The following ZYG11B variants were observed in gnomAD, a reference collection of about 807,000 sequenced individuals.
The protein encoded by ZYG11B is protein zyg-11 homolog B.
Under a neutral mutation model 82.4 loss-of-function variants are expected in ZYG11B, and 36 were observed. The ratio of observed to expected loss-of-function variants is 0.44; its 90% CI spans 0.33 to 0.58. The LOEUF (loss-of-function observed/expected upper bound fraction) is 0.58, where lower values mean the gene tolerates loss of function less well. Among genes scored for constraint, ZYG11B ranks in the 20% least tolerant of loss-of-function variants. The pLI is 0.02. For missense variants in ZYG11B, 552 were observed against 895.6 expected, an observed-to-expected ratio of 0.62 and a Z score of 4.90; for synonymous variants, 303 against 312.8, an observed-to-expected ratio of 0.97 and a Z score of 0.33.
At chr1:52,767,528 C>T (rs1644708310) in intron 2 of ZYG11B, among the ~76,000 whole-genome samples, 1 of 151,864 alleles carries the variant, frequency 6.6e-6, no homozygotes, top group Non-Finnish European at 1.5e-5. Flanking sequence ...TGGTCTCGAT[C>T]TCCTGACCTT....
chr1:52,768,594 C>T (rs1644719210), intron 2 of ZYG11B, among the ~76,000 whole-genome samples: 1 of 121,520 alleles, frequency 8.2e-6, no homozygotes, highest in Non-Finnish European at 1.7e-5. Context: ...AACCTTCTTC[C>T]TCTTTTTTTT....
intron 3 of ZYG11B, among the ~76,000 whole-genome samples, chr1:52,776,229 A>AAAAAAAAAAAAATATATATAT: frequency 2.5e-4 from 6 of 23,540 alleles, no homozygotes; most frequent in African/African-American, 4.7e-4. Flanking sequence ...TAAAAAAAAA[A>AAAAAAAAAAAAATATATATAT]ATATATATAT....
chr1:52,734,564 C>T (rs1426715175), intron 1 of ZYG11B, among the ~76,000 whole-genome samples: 1 of 150,894 alleles, frequency 6.6e-6, no homozygotes, highest in African/African-American at 2.4e-5. Flanking sequence ...GCAGGAGAAC[C>T]ACTTGAACCT....
chr1:52,749,767 T>A (rs1644506247), intron 1 of ZYG11B, among the ~76,000 whole-genome samples: 1 of 152,078 alleles, frequency 6.6e-6, no homozygotes, highest in Admixed American at 6.6e-5. Context: ...TGGCCAGGCT[T>A]GTCTTGAACT....
intron 1 of ZYG11B, 32 bp downstream of exon 1, chr1:52,726,715 C>T (rs1046253603): frequency 1.1e-4 from 167 of 1,461,934 alleles, no homozygotes; most frequent in Non-Finnish European, 1.4e-4. Flanking sequence ...TAGCCGCAGC[C>T]GCCCGCCACC....
chr1:52,726,528 A>G lies in ZYG11B; in HGVS notation c.-126A>G. ...TACTGCTACGCTCCTAGCTTGAGGG[A>G]AAGAGGCCGAGGCCTGGGCCAAGCC... is the stretch of plus-strand genomic sequence containing the variant. On this transcript the variant is annotated 5_prime_UTR_variant, in exon 1 of 14. Transcript: ENST00000294353. 2.2e-6 allele frequency: 2 copies of G among 900,492 alleles called. No individual in the cohort carries two copies. The highest frequency in any genetic ancestry group is 3.0e-6 in the Non-Finnish European group (2 of 668,834). 55.8% of individuals were successfully genotyped at this position (900,492 alleles called of 1,614,324 possible). A position where few individuals can be genotyped will look rare whatever the true frequency, so the allele number is the denominator to read the frequency against.
Position 52,783,805 on chromosome 1 carries a change from T to TATATACACAC in ZYG11B, c.1093-1071_1093-1070insTATACACACA, listed in dbSNP as rs74185908. Among the ~76,000 whole-genome samples, 9 of 135,000 alleles carry TATATACACAC rather than the reference T, an allele frequency of 6.7e-5. 1 individual carries two copies. Among genetic ancestry groups the TATATACACAC allele is most frequent in the African/African-American group, 2.6e-4 (9 of 35,140 alleles). The allele number at this position is 135,000 out of a possible 152,430, so 88.6% of individuals were successfully genotyped here. On this transcript the variant is annotated intron_variant, in intron 4 of 13. Transcript: ENST00000294353. ...GCCCAGCTTTATATATATATATATATACACACACACGTATATGTATACATA... is the reference window on the plus strand; with the variant it reads ...GCCCAGCTTTATATATATATATATATATATACACACACACACACACGTATATGTATACATA...
At chr1:52,793,468 G>A (rs1571783300) in intron 6 of ZYG11B, among the ~76,000 whole-genome samples, 1 of 152,148 alleles carries the variant, frequency 6.6e-6, no homozygotes, top group East Asian at 1.9e-4. Flanking sequence ...CCCAGCTTGG[G>A]CAACAAGAGT....
intron 8 of ZYG11B, among the ~76,000 whole-genome samples, chr1:52,797,162 A>ATTGTATATTATATAT (rs1645024544): frequency 4.1e-5 from 3 of 73,816 alleles, no homozygotes; most frequent in African/African-American, 2.4e-4. Context: ...ATATTTATAT[A>ATTGTATATTATATAT]TTATATATTA....
At chr1:52,802,397 G>C (rs948643654) in intron 10 of ZYG11B, among the ~76,000 whole-genome samples, 5 of 142,158 alleles carry the variant, frequency 3.5e-5, no homozygotes, top group Non-Finnish European at 6.0e-5. Flanking sequence ...GCCCAGGCTG[G>C]AGTGCAGTGG....
In ZYG11B at chr1:52,743,771, A is replaced by G. The variant is rs116979339; in HGVS notation, c.31-12687A>G. ...AGTGTAGCTTAAGTATTTATAGTCT[A>G]CAATAGTGTGCAGTAATGTCCTAGG... On this transcript the variant is annotated intron_variant, in intron 1 of 13. Coordinates refer to ENST00000294353, the MANE Select transcript of ZYG11B (RefSeq NM_024646.3). 3.9e-5 allele frequency among the ~76,000 whole-genome samples: 6 copies of G among 152,272 alleles called. No homozygotes were observed. The East Asian group carries it at 1.2e-3, about 29-fold the overall frequency.
chr1:52,758,411 C>T lies in ZYG11B; in HGVS notation c.196+1788C>T, dbSNP rs184570018. On this transcript the variant is annotated intron_variant, in intron 2 of 13. Transcript: ENST00000294353. ...TATAAGGTAGCTCTATTATCATTCC[C>T]GTTAACATATAGATAAACTGAGGTT... Among the ~76,000 whole-genome samples the T allele has an allele frequency of 1.6e-4, 24 of 152,076 alleles. No homozygotes were observed. The South Asian group carries it at 1.7e-3, about 11-fold the overall frequency.
chr1:52,759,527 A>G (rs1644609345), intron 2 of ZYG11B, among the ~76,000 whole-genome samples: 1 of 152,192 alleles, frequency 6.6e-6, no homozygotes, highest in Admixed American at 6.5e-5. Context: ...TCTTCTTTTC[A>G]GACTGCCTTC....
chr1:52,758,864 G>A (rs1558123862), intron 2 of ZYG11B, among the ~76,000 whole-genome samples: 1 of 152,074 alleles, frequency 6.6e-6, no homozygotes, highest in Non-Finnish European at 1.5e-5. Flanking sequence ...GCTGCACAAC[G>A]ATTTAAGAGA....
At chr1:52,803,229 CATATATATATACACACACACAT>C (rs1645106128) in intron 10 of ZYG11B, among the ~76,000 whole-genome samples, 1 of 65,190 alleles carries the variant, frequency 1.5e-5, no homozygotes, top group Non-Finnish European at 2.4e-5. Flanking sequence ...TATATACACA[CATATATATATACACACACACAT>C]ATATATATAT....
chr1:52,800,181 C>CA (rs1375069680), intron 8 of ZYG11B, among the ~76,000 whole-genome samples: 4 of 150,144 alleles, frequency 2.7e-5, no homozygotes, highest in African/African-American at 9.8e-5. Flanking sequence ...GAGGTTGAAG[C>CA]AAGAGGATCG....
At chr1:52,736,950 C>T (rs1179214627) in intron 1 of ZYG11B, among the ~76,000 whole-genome samples, 1 of 151,940 alleles carries the variant, frequency 6.6e-6, no homozygotes, top group African/African-American at 2.4e-5. Context: ...CTGCTTTAGC[C>T]TTATTTCTCA....
chr1:52,732,871 G>A (rs1261280404), intron 1 of ZYG11B, among the ~76,000 whole-genome samples: 2 of 152,114 alleles, frequency 1.3e-5, no homozygotes, highest in African/African-American at 4.8e-5. Context: ...CTACTCCGGA[G>A]GCTGAGGCAG....
At chr1:52,731,415 C>T (rs1644331667) in intron 1 of ZYG11B, among the ~76,000 whole-genome samples, 1 of 152,060 alleles carries the variant, frequency 6.6e-6, no homozygotes, top group African/African-American at 2.4e-5. Flanking sequence ...AAACGCTGTC[C>T]AAAAAACCTA....
Sources: allele counts gnomAD v4.1 joint callset (sites outside exome capture counted in the v4.1 genomes callset), GRCh38; gene constraint gnomAD v4.1.1; transcripts MANE v1.5; gene names NCBI Gene and HGNC (gene_info 2026-07-23, HGNC 2026-07-21).